The following PTPRA variants were observed in gnomAD, a reference collection of about 807,000 sequenced individuals.
PTPRA encodes receptor-type tyrosine-protein phosphatase alpha.
Under a neutral mutation model 104.8 loss-of-function variants are expected in PTPRA, and 25 were observed. That is an observed-to-expected ratio of 0.24 (90% CI 0.17 to 0.33). The LOEUF (loss-of-function observed/expected upper bound fraction) is 0.33. Ranked by LOEUF, PTPRA falls within the 10% of genes least tolerant of loss-of-function variation. The probability of loss-of-function intolerance (pLI) is 1.00; values close to 1 mark genes in which losing one functional copy is unlikely to be tolerated. For synonymous variants in PTPRA, 323 were observed against 368.9 expected, an observed-to-expected ratio of 0.88 and a Z score of 1.43; for missense variants, 765 against 1,015.3, an observed-to-expected ratio of 0.75 and a Z score of 3.35.
At position 3,027,858 on chromosome 20, in the gene PTPRA, C is replaced by T. The variant is rs1292950241; in HGVS notation, c.1920+17C>T. 3 of 1,612,636 alleles carry T rather than the reference C, an allele frequency of 1.9e-6. No individual in the cohort carries two copies. Among genetic ancestry groups the T allele is most frequent in the African/African-American group, 2.7e-5 (2 of 74,844 alleles). On this transcript the variant is annotated intron_variant, in intron 20 of 23. Transcript: ENST00000399903. Reference sequence around the variant, plus strand: ...AGAGGCCAGGTGAGTTCAAAAGGTCCTGGGTGGTGAGAGACAGAGACAGCA... The same window carrying T: ...AGAGGCCAGGTGAGTTCAAAAGGTCTTGGGTGGTGAGAGACAGAGACAGCA...
At chr20:2,897,906 CTTT>C (rs34328077) in intron 1 of PTPRA, among the ~76,000 whole-genome samples, 5 of 83,726 alleles carry the variant, frequency 6.0e-5, no homozygotes, top group African/African-American at 2.9e-4. Flanking sequence ...CCTCATCATT[CTTT>C]TTTTTTTTTT....
intron 5 of PTPRA, among the ~76,000 whole-genome samples, chr20:2,969,403 A>T (rs768485872): frequency 3.8e-4 from 57 of 151,638 alleles, no homozygotes; most frequent in Admixed American, 1.1e-3. Flanking sequence ...GCCCACCACC[A>T]CACCCAGCTG....
chr20:2,886,073 A>G (rs903487948), intron 1 of PTPRA, among the ~76,000 whole-genome samples: 7 of 152,340 alleles, frequency 4.6e-5, no homozygotes, highest in Non-Finnish European at 1.0e-4. Context: ...AAAATAAAAA[A>G]GACTTGAATG....
intron 1 of PTPRA, among the ~76,000 whole-genome samples, chr20:2,888,419 TG>T (rs1227603336): frequency 1.3e-5 from 2 of 151,620 alleles, no homozygotes; most frequent in African/African-American, 4.9e-5. Context: ...GCTAGCCAGG[TG>T]TAATGGCATG....
At chr20:2,966,089 T>C (rs1331711726) in intron 5 of PTPRA, among the ~76,000 whole-genome samples, 1 of 152,222 alleles carries the variant, frequency 6.6e-6, no homozygotes, top group African/African-American at 2.4e-5. Context: ...ATTCAGGAAC[T>C]GTTTGCTCAG....
At chr20:2,915,061 A>G in intron 1 of PTPRA, among the ~76,000 whole-genome samples, 1 of 151,718 alleles carries the variant, frequency 6.6e-6, no homozygotes, top group East Asian at 1.9e-4. Context: ...TATAGCATGT[A>G]TCAGTACTTC....
intron 1 of PTPRA, among the ~76,000 whole-genome samples, chr20:2,887,836 C>G (rs557994446): frequency 6.6e-6 from 1 of 152,196 alleles, no homozygotes; most frequent in Non-Finnish European, 1.5e-5. Context: ...GAGGCCCAAG[C>G]TTTTACGGGG....
intron 1 of PTPRA, among the ~76,000 whole-genome samples, chr20:2,891,618 T>TACACTTATATGATAATTCAC (rs1234547779): frequency 6.6e-6 from 1 of 152,220 alleles, no homozygotes; most frequent in Non-Finnish European, 1.5e-5. Context: ...TGATAATTCA[T>TACACTTATATGATAATTCAC]ACACTTATAT....
intron 5 of PTPRA, among the ~76,000 whole-genome samples, chr20:2,974,920 G>T (rs2148024314): frequency 6.6e-6 from 1 of 152,138 alleles, no homozygotes; most frequent in Non-Finnish European, 1.5e-5. Context: ...ACTTAATTTT[G>T]TCCTCTTGAA....
chr20:2,915,452 T>G lies in PTPRA; in HGVS notation c.-128-7755T>G, dbSNP rs541948564. 4.7e-5 allele frequency among the ~76,000 whole-genome samples: 7 copies of G among 148,638 alleles called. No homozygotes were observed. The South Asian group carries it at 1.1e-3, about 23-fold the overall frequency. On this transcript the variant is annotated intron_variant, in intron 1 of 23. Coordinates refer to ENST00000399903, the MANE Select transcript of PTPRA (RefSeq NM_001385305.1). ...TAAATTCTTTGCCTATTTTTTAAATTGGGGGGAAGTTGTCTTTTTTTGTTA... is the reference window on the plus strand; with the variant it reads ...TAAATTCTTTGCCTATTTTTTAAATGGGGGGGAAGTTGTCTTTTTTTGTTA...
chr20:3,028,777 G>C (rs1052962401), intron 20 of PTPRA, among the ~76,000 whole-genome samples: 1 of 152,104 alleles, frequency 6.6e-6, no homozygotes, highest in Non-Finnish European at 1.5e-5. Context: ...TCTTCCTAAA[G>C]CAATTGAAGA....
chr20:3,032,514 TC>T (rs1321751308), intron 20 of PTPRA, among the ~76,000 whole-genome samples: 1 of 152,130 alleles, frequency 6.6e-6, no homozygotes, highest in Non-Finnish European at 1.5e-5. Flanking sequence ...ACGCCTGTAA[TC>T]CCAGCACTTT....
At chr20:3,019,644 G>A (rs2064740687) in intron 13 of PTPRA, among the ~76,000 whole-genome samples, 2 of 152,128 alleles carry the variant, frequency 1.3e-5, no homozygotes. Context: ...CGGCCGGGCA[G>A]AGACGCTCCT....
intron 1 of PTPRA, among the ~76,000 whole-genome samples, chr20:2,910,610 AT>A (rs1352753968): frequency 6.2e-4 from 28 of 45,376 alleles, no homozygotes; most frequent in South Asian, 1.6e-3. Context: ...GTTTTTTTTA[AT>A]TTTTTTTTTT....
At chr20:2,884,962 A>T (rs982079249) in intron 1 of PTPRA, among the ~76,000 whole-genome samples, 8 of 151,376 alleles carry the variant, frequency 5.3e-5, no homozygotes, top group Admixed American at 3.3e-4. Flanking sequence ...GGCGCCCCCC[A>T]CCACATCCAG....
intron 5 of PTPRA, among the ~76,000 whole-genome samples, chr20:2,971,758 T>C (rs1203998807): frequency 6.6e-6 from 1 of 152,220 alleles, no homozygotes; most frequent in Non-Finnish European, 1.5e-5. Context: ...GCCAGTTGCC[T>C]GTTCAGGATC....
intron 9 of PTPRA, among the ~76,000 whole-genome samples, chr20:2,990,162 G>A (rs2063107874): frequency 6.6e-6 from 1 of 152,204 alleles, no homozygotes; most frequent in Non-Finnish European, 1.5e-5. Context: ...AGGAAATGGG[G>A]GATGGATTTA....
At position 3,037,921 on chromosome 20, in the gene PTPRA, C is replaced by A; in HGVS notation, c.2335-138C>A. The A allele has an allele frequency of 1.4e-6, 1 of 715,018 alleles. No homozygotes were observed. The highest frequency in any genetic ancestry group is 2.4e-6 in the Non-Finnish European group (1 of 416,290). The allele number at this position is 715,018 out of a possible 1,614,324, so 44.3% of individuals were successfully genotyped here. On this transcript the variant is annotated intron_variant, in intron 23 of 23. Coordinates refer to ENST00000399903, the MANE Select transcript of PTPRA (RefSeq NM_001385305.1). The surrounding 1 kb of genome is among the most constrained non-coding windows in gnomAD (Gnocchi z 4.3). ...GCTGTCAGAACTCTGGCAGGCAGAT[C>A]AGAGCTCAGGTGAAAGTTCAAAAAC...
intron 3 of PTPRA, among the ~76,000 whole-genome samples, chr20:2,958,089 T>A (rs2061602876): frequency 6.6e-6 from 1 of 152,146 alleles, no homozygotes; most frequent in Non-Finnish European, 1.5e-5. Context: ...GACACCAAGT[T>A]TTCTTGATTT....
Sources: allele counts gnomAD v4.1 joint callset (sites outside exome capture counted in the v4.1 genomes callset), GRCh38; gene constraint gnomAD v4.1.1; non-coding constraint Gnocchi (gnomAD v3.1); transcripts MANE v1.5; gene names NCBI Gene and HGNC (gene_info 2026-07-23, HGNC 2026-07-21).